The following GRIP1 variants were observed in gnomAD, a reference collection of about 807,000 sequenced individuals.
GRIP1 encodes glutamate receptor-interacting protein 1.
GRIP1 carries 45 observed loss-of-function variants against 129.9 expected under a neutral mutation model. The observed-to-expected ratio is 0.35, with a 90% CI of 0.27 to 0.44. GRIP1 has a LOEUF of 0.44. GRIP1 is among the 20% of genes least tolerant of loss of function. GRIP1 has a pLI of 1.00. For missense variants in GRIP1, 1,196 were observed against 1,396.8 expected (o/e 0.86, Z 2.29); for synonymous variants, 530 against 520.8 (o/e 1.02, Z -0.24).
chr12:67,026,894 A>AACAATCCCAAGCAAC (rs1429214003), intron 1 of GRIP1, among the ~76,000 whole-genome samples: 1 of 152,162 alleles, frequency 6.6e-6, no homozygotes, highest in Non-Finnish European at 1.5e-5. Context: ...ATTCCCATCC[A>AACAATCCCAAGCAAC]AATCTTTGCT....
At chr12:67,009,617 C>T (rs747533279) in intron 1 of GRIP1, among the ~76,000 whole-genome samples, 4 of 152,196 alleles carry the variant, frequency 2.6e-5, no homozygotes, top group Non-Finnish European at 2.9e-5. Flanking sequence ...GATTCAAAGA[C>T]TGACCATAGA....
intron 1 of GRIP1, among the ~76,000 whole-genome samples, chr12:67,022,677 C>T (rs900875008): frequency 6.6e-6 from 1 of 152,126 alleles, no homozygotes; most frequent in African/African-American, 2.4e-5. Flanking sequence ...CTGCATTTCC[C>T]TAATGACTAA....
intron 1 of GRIP1, among the ~76,000 whole-genome samples, chr12:66,753,788 T>C (rs139047983): frequency 2.0e-5 from 3 of 152,334 alleles, no homozygotes; most frequent in East Asian, 3.9e-4. Context: ...GCCTATCCCA[T>C]AGCAGACACT....
chr12:66,699,863 G>T (rs1025299954), intron 1 of GRIP1, among the ~76,000 whole-genome samples: 1 of 152,132 alleles, frequency 6.6e-6, no homozygotes, highest in East Asian at 1.9e-4. Flanking sequence ...CATGAGGCCC[G>T]CCCTGTAGAA....
At chr12:66,603,541 T>C (rs955198059) in intron 1 of GRIP1, among the ~76,000 whole-genome samples, 2 of 152,182 alleles carry the variant, frequency 1.3e-5, no homozygotes, top group African/African-American at 2.4e-5. Context: ...GTATGCACGT[T>C]CATGTTTGGA....
chr12:67,060,380 T>C (rs1298344524), intron 1 of GRIP1, among the ~76,000 whole-genome samples: 6 of 152,260 alleles, frequency 3.9e-5, no homozygotes, highest in Non-Finnish European at 5.9e-5. Context: ...GAAATCAATG[T>C]TGTTAATTTG....
At chr12:66,526,454 G>T (rs1244900327) in intron 5 of GRIP1, among the ~76,000 whole-genome samples, 1 of 152,036 alleles carries the variant, frequency 6.6e-6, no homozygotes, top group East Asian at 1.9e-4. Flanking sequence ...AATAAATGGT[G>T]CTGGGAAAAC....
intron 1 of GRIP1, among the ~76,000 whole-genome samples, chr12:66,963,125 C>G (rs1326366460): frequency 1.3e-5 from 2 of 151,984 alleles, no homozygotes; most frequent in Non-Finnish European, 2.9e-5. Context: ...GCGTGAGCAA[C>G]ATGGTGGGAC....
chr12:66,384,358 TAA>T (rs1228155927), intron 19 of GRIP1, among the ~76,000 whole-genome samples: 1 of 152,168 alleles, frequency 6.6e-6, no homozygotes, highest in African/African-American at 2.4e-5. Flanking sequence ...TGAAACCGAT[TAA>T]GAGGTTAATT....
At chr12:66,417,446 A>G (rs2057647931) in intron 15 of GRIP1, among the ~76,000 whole-genome samples, 1 of 152,184 alleles carries the variant, frequency 6.6e-6, no homozygotes, top group African/African-American at 2.4e-5. Context: ...AGCTAGAGCA[A>G]TCCCACAAGG....
intron 1 of GRIP1, among the ~76,000 whole-genome samples, chr12:66,942,266 C>T (rs1420151401): frequency 1.3e-5 from 2 of 151,510 alleles, no homozygotes; most frequent in African/African-American, 2.4e-5. Context: ...TTTTCCCATC[C>T]CTTTTCAATT....
chr12:66,360,802 C>A (rs1035996177), intron 23 of GRIP1, among the ~76,000 whole-genome samples: 2 of 152,194 alleles, frequency 1.3e-5, no homozygotes, highest in Admixed American at 1.3e-4. Context: ...CAACTCTCCC[C>A]ACTTGGATTT....
intron 7 of GRIP1, among the ~76,000 whole-genome samples, chr12:66,504,091 C>A (rs1337931537): frequency 1.3e-5 from 2 of 152,122 alleles, no homozygotes; most frequent in East Asian, 3.9e-4. Flanking sequence ...CTGGTGAGAA[C>A]ATCCCCATCA....
intron 19 of GRIP1, among the ~76,000 whole-genome samples, chr12:66,389,630 G>A (rs2056501372): frequency 6.6e-6 from 1 of 152,136 alleles, no homozygotes. Context: ...ACAAGACTTT[G>A]AGATCTCGGT....
chr12:66,701,715 C>A (rs2035360011), intron 1 of GRIP1, among the ~76,000 whole-genome samples: 2 of 152,188 alleles, frequency 1.3e-5, no homozygotes, highest in African/African-American at 4.8e-5. Context: ...ACAGCAATGG[C>A]TCTTACATAC....
intron 5 of GRIP1, among the ~76,000 whole-genome samples, chr12:66,525,103 AAGG>A (rs1387701376): frequency 6.6e-6 from 1 of 152,248 alleles, no homozygotes; most frequent in Non-Finnish European, 1.5e-5. Flanking sequence ...CCAAAGCTAC[AAGG>A]AGGAGCTGGT....
intron 2 of GRIP1, among the ~76,000 whole-genome samples, chr12:66,578,774 C>T (rs1275259440): frequency 6.6e-6 from 1 of 152,228 alleles, no homozygotes; most frequent in Non-Finnish European, 1.5e-5. Flanking sequence ...CGGGGTGGAG[C>T]CCACCACAGC....
intron 1 of GRIP1, among the ~76,000 whole-genome samples, chr12:66,784,019 T>C (rs1352882477): frequency 6.6e-6 from 1 of 152,158 alleles, no homozygotes; most frequent in Non-Finnish European, 1.5e-5. Context: ...GGTATTTACT[T>C]TCCATATAAT....
intron 1 of GRIP1, among the ~76,000 whole-genome samples, chr12:66,830,832 T>A (rs1592886236): frequency 1.0e-4 from 2 of 19,576 alleles, no homozygotes; most frequent in African/African-American, 2.8e-4. Context: ...GGTATCTGAA[T>A]TTTTTTTTTT....
Sources: allele counts gnomAD v4.1 joint callset (sites outside exome capture counted in the v4.1 genomes callset), GRCh38; gene constraint gnomAD v4.1.1; transcripts MANE v1.5; gene names NCBI Gene and HGNC (gene_info 2026-07-23, HGNC 2026-07-21).